GOLM2: variants seen among roughly 807,000 people sequenced by gnomAD.
GOLM2 encodes protein GOLM2.
In GOLM2, 26 loss-of-function variants were observed where a neutral mutation model predicts 55.9. That is an observed-to-expected ratio of 0.47 (90% CI 0.34 to 0.65). The LOEUF (loss-of-function observed/expected upper bound fraction) is 0.65. Among genes scored for constraint, GOLM2 ranks in the 30% least tolerant of loss-of-function variants. GOLM2 has a pLI of 0.01. For synonymous variants in GOLM2, 165 were observed against 194.6 expected (o/e 0.85, Z 1.27); for missense variants, 486 against 531.8 (o/e 0.91, Z 0.85).
At chr15:44,296,463 T>A (rs78744748) in intron 1 of GOLM2, among the ~76,000 whole-genome samples, 3,578 of 152,242 alleles carry the variant, frequency 0.024, 85 homozygotes, top group East Asian at 0.1. Flanking sequence ...ATGCCTTTAG[T>A]TGAATGGGGA....
chr15:44,395,775 A>T (rs940801981), intron 8 of GOLM2, among the ~76,000 whole-genome samples: 1 of 151,952 alleles, frequency 6.6e-6, no homozygotes, highest in African/African-American at 2.4e-5. Context: ...AGGAGGCAGA[A>T]GTTGCAGTGA....
intron 6 of GOLM2, among the ~76,000 whole-genome samples, chr15:44,351,123 C>T (rs945375898): frequency 1.3e-5 from 2 of 151,930 alleles, no homozygotes; most frequent in South Asian, 2.1e-4. Flanking sequence ...GTTATTTGAC[C>T]TAGACTTCCA....
At chr15:44,378,210 G>A (rs1246733777) in intron 6 of GOLM2, among the ~76,000 whole-genome samples, 6 of 151,308 alleles carry the variant, frequency 4.0e-5, no homozygotes, top group South Asian at 2.1e-4. Context: ...CACCACGCCC[G>A]GCTAATTTTT....
chr15:44,403,110 T>C (rs2079576490), intron 9 of GOLM2, 56 bp downstream of exon 9: 2 of 1,596,950 alleles, frequency 1.3e-6, no homozygotes, highest in African/African-American at 2.7e-5. Context: ...CTAAGTTTTT[T>C]GGTTGAATTT....
chr15:44,291,969 A>G (rs1239967484), intron 1 of GOLM2, among the ~76,000 whole-genome samples: 1 of 151,982 alleles, frequency 6.6e-6, no homozygotes, highest in African/African-American at 2.4e-5. Context: ...ATTTTGTTTA[A>G]CTCAGTCTTG....
chr15:44,320,618 T>A (rs2078942375), intron 1 of GOLM2, among the ~76,000 whole-genome samples: 1 of 152,198 alleles, frequency 6.6e-6, no homozygotes, highest in African/African-American at 2.4e-5. Flanking sequence ...CTGTATATTT[T>A]AAACTTCATT....
At chr15:44,392,313 T>C (rs542453891) in intron 8 of GOLM2, among the ~76,000 whole-genome samples, 90 of 152,144 alleles carry the variant, frequency 5.9e-4, no homozygotes, top group African/African-American at 2.1e-3. Flanking sequence ...GTTTCTCTTA[T>C]TAATATAGAT....
intron 4 of GOLM2, among the ~76,000 whole-genome samples, chr15:44,337,523 C>G (rs528613317): frequency 6.6e-6 from 1 of 152,104 alleles, no homozygotes; most frequent in African/African-American, 2.4e-5. Flanking sequence ...AGAGTCACCT[C>G]TGCCTACCAA....
At chr15:44,295,100 G>A (rs11636171) in intron 1 of GOLM2, among the ~76,000 whole-genome samples, 1 of 147,504 alleles carries the variant, frequency 6.8e-6, no homozygotes, top group Non-Finnish European at 1.5e-5. Flanking sequence ...TTTTTTCTGA[G>A]ATGGAGCCTC....
At chr15:44,356,390 G>A (rs964257441) in intron 6 of GOLM2, among the ~76,000 whole-genome samples, 1 of 152,132 alleles carries the variant, frequency 6.6e-6, no homozygotes, top group Non-Finnish European at 1.5e-5. Context: ...AGAAATGAAA[G>A]AGGGTTATCA....
At position 44,298,492 on chromosome 15, in the gene GOLM2, T is replaced by G. The variant is rs796513374; in HGVS notation, c.327+9136T>G. On this transcript the variant is annotated intron_variant, in intron 1 of 9. Transcript: ENST00000299957. ...GGTTTTACCACATTGGCCAGGCTGG[T>G]CTCGAACTCCTAACCTCAGGTGATC... 3.3e-5 allele frequency among the ~76,000 whole-genome samples: 5 copies of G among 149,856 alleles called. No homozygotes were observed. The East Asian group carries it at 9.9e-4, about 30-fold the overall frequency.
intron 1 of GOLM2, among the ~76,000 whole-genome samples, chr15:44,290,275 A>C (rs926807995): frequency 2.6e-5 from 4 of 152,232 alleles, no homozygotes; most frequent in African/African-American, 9.6e-5. Flanking sequence ...GGTATAGTAG[A>C]GTTATGAAAA....
At chr15:44,383,979 C>A (rs1226306452) in intron 8 of GOLM2, among the ~76,000 whole-genome samples, 1 of 151,996 alleles carries the variant, frequency 6.6e-6, no homozygotes, top group African/African-American at 2.4e-5. Context: ...ATTGCCCAGC[C>A]CCGTATCAAA....
rs59381371 is a variant in GOLM2 at position 44,404,618 on chromosome 15, T to G, written c.1240+1564T>G. On this transcript the variant is annotated intron_variant, in intron 9 of 9. Coordinates refer to ENST00000299957, the MANE Select transcript of GOLM2 (RefSeq NM_138423.4). ...TTGGATTATATTTATTTGCAATTAT[T>G]TATAACGTTTTAAGGCTTTTTCATG... Among the ~76,000 whole-genome samples the G allele has an allele frequency of 8.3e-3, 1,265 of 152,268 alleles. 21 individuals carry two copies. Among genetic ancestry groups the G allele is most frequent in the East Asian group, 0.04 (207 of 5,190 alleles).
At chr15:44,304,328 G>A (rs1403461529) in intron 1 of GOLM2, among the ~76,000 whole-genome samples, 6 of 128,314 alleles carry the variant, frequency 4.7e-5, no homozygotes, top group African/African-American at 1.5e-4. Context: ...TGCAGCCTCC[G>A]CCTCACAGGT....
chr15:44,381,840 CG>C (rs2079405239), intron 8 of GOLM2, among the ~76,000 whole-genome samples: 1 of 151,824 alleles, frequency 6.6e-6, no homozygotes, highest in Non-Finnish European at 1.5e-5. Context: ...TTTTTAGAGA[CG>C]GGGGTCTCGC....
At chr15:44,331,655 T>G (rs1403576498) in intron 3 of GOLM2, among the ~76,000 whole-genome samples, 1 of 152,220 alleles carries the variant, frequency 6.6e-6, no homozygotes, top group Non-Finnish European at 1.5e-5. Context: ...CACAGTTTTC[T>G]CTTCTATAGT....
At position 44,289,268 on chromosome 15, in the gene GOLM2, A is replaced by C. The variant is rs2078703294; in HGVS notation, c.239A>C (p.Gln80Pro). 6 of 1,614,038 alleles carry C rather than the reference A, an allele frequency of 3.7e-6. No individual in the cohort carries two copies. The highest frequency in any genetic ancestry group is 1.3e-5 in the African/African-American group (1 of 75,054). ...CTGTTGGTGGACACGCACAAGAAACAGATCGACCAGAAGGAGGCCGACTAC... is the reference window on the plus strand; with the variant it reads ...CTGTTGGTGGACACGCACAAGAAACCGATCGACCAGAAGGAGGCCGACTAC... ...LLLLVDTHKK[Q>P]IDQKEADYGR... Residue 80 changes from glutamine to proline, a missense_variant, in exon 1 of 10, where the codon CAG becomes CCG. Transcript: ENST00000299957. The surrounding 1 kb of genome is among the most constrained non-coding windows in gnomAD (Gnocchi z 4.8).
At chr15:44,410,472 A>G (rs951139697) in intron 9 of GOLM2, among the ~76,000 whole-genome samples, 3 of 152,102 alleles carry the variant, frequency 2.0e-5, no homozygotes, top group African/African-American at 7.2e-5. Context: ...GAGTTCATTG[A>G]TAATTGATTA....
Sources: allele counts gnomAD v4.1 joint callset (sites outside exome capture counted in the v4.1 genomes callset), GRCh38; gene constraint gnomAD v4.1.1; non-coding constraint Gnocchi (gnomAD v3.1); transcripts MANE v1.5; gene names NCBI Gene and HGNC (gene_info 2026-07-23, HGNC 2026-07-21).